Variants in PTPRD observed in about 807,000 individuals in gnomAD.
PTPRD encodes receptor-type tyrosine-protein phosphatase delta.
PTPRD carries 34 observed loss-of-function variants against 214.5 expected under a neutral mutation model. That is an observed-to-expected ratio of 0.16 (90% CI 0.12 to 0.21). The LOEUF (loss-of-function observed/expected upper bound fraction) is 0.21, where lower values mean the gene tolerates loss of function less well. Ranked by LOEUF, PTPRD falls within the 10% of genes least tolerant of loss-of-function variation. PTPRD has a pLI of 1.00. For missense variants in PTPRD, 2,545 were observed against 2,398.7 expected, an observed-to-expected ratio of 1.06 and a Z score of -1.27; for synonymous variants, 1,128 against 845.7, an observed-to-expected ratio of 1.33 and a Z score of -5.79.
chr9:10,019,201 G>T (rs529987258), intron 4 of PTPRD, among the ~76,000 whole-genome samples: 1 of 152,128 alleles, frequency 6.6e-6, no homozygotes, highest in Non-Finnish European at 1.5e-5. Context: ...GGCCATCAGA[G>T]AAATGCAAAT....
At chr9:9,615,678 G>C (rs537059710) in intron 7 of PTPRD, among the ~76,000 whole-genome samples, 4 of 152,274 alleles carry the variant, frequency 2.6e-5, no homozygotes, top group African/African-American at 9.6e-5. Flanking sequence ...TTGTTCTGGA[G>C]ATCATTTTGC....
intron 7 of PTPRD, among the ~76,000 whole-genome samples, chr9:9,617,301 A>G (rs1051030812): frequency 6.6e-6 from 1 of 152,176 alleles, no homozygotes; most frequent in Non-Finnish European, 1.5e-5. Context: ...GGTCCTCTGC[A>G]TTAATTAAAA....
chr9:10,172,272 A>G (rs2099213436), intron 3 of PTPRD, among the ~76,000 whole-genome samples: 1 of 152,182 alleles, frequency 6.6e-6, no homozygotes, highest in Non-Finnish European at 1.5e-5. Flanking sequence ...CTTGCAGCCT[A>G]TAATATATTT....
chr9:9,817,531 C>T (rs960058362), intron 5 of PTPRD, among the ~76,000 whole-genome samples: 3 of 152,270 alleles, frequency 2.0e-5, no homozygotes, highest in African/African-American at 7.2e-5. Flanking sequence ...TATATTTCTT[C>T]TCATCCTGTC....
chr9:9,264,144 G>C (rs76629171), intron 9 of PTPRD, among the ~76,000 whole-genome samples: 1 of 151,448 alleles, frequency 6.6e-6, no homozygotes, highest in Admixed American at 6.6e-5. Context: ...TCAAGACTTC[G>C]ATGAAAATAT....
intron 18 of PTPRD, 92 bp from the exon 19 acceptor site, chr9:8,523,616 A>C: frequency 5.4e-5 from 75 of 1,400,428 alleles, no homozygotes; most frequent in Non-Finnish European, 6.9e-5. Context: ...AGGCCATATC[A>C]AGGCTTTCAA....
intron 2 of PTPRD, among the ~76,000 whole-genome samples, chr9:10,393,110 T>C (rs954672360): frequency 6.6e-6 from 1 of 151,892 alleles, no homozygotes; most frequent in Non-Finnish European, 1.5e-5. Context: ...TAGTTTGTAG[T>C]GTGACATGCA....
chr9:8,484,005 A>C (rs1371591289), intron 30 of PTPRD, 114 bp downstream of exon 30: 7 of 1,352,778 alleles, frequency 5.2e-6, no homozygotes, highest in Non-Finnish European at 6.0e-6. Context: ...TGAGCAGAAG[A>C]ATCTTTCACT....
At chr9:9,539,686 G>A (rs1225475341) in intron 8 of PTPRD, among the ~76,000 whole-genome samples, 3 of 151,864 alleles carry the variant, frequency 2.0e-5, no homozygotes, top group African/African-American at 7.2e-5. Flanking sequence ...AGTGCTCACT[G>A]CCATTAACTG....
At chr9:10,576,070 A>C (rs2069211906) in intron 2 of PTPRD, among the ~76,000 whole-genome samples, 1 of 152,174 alleles carries the variant, frequency 6.6e-6, no homozygotes, top group Non-Finnish European at 1.5e-5. Context: ...GAGTCTAAAA[A>C]AAATATTTTC....
At chr9:9,001,176 G>A (rs1009338243) in intron 11 of PTPRD, among the ~76,000 whole-genome samples, 26 of 151,916 alleles carry the variant, frequency 1.7e-4, no homozygotes, top group African/African-American at 3.1e-4. Flanking sequence ...CAACAGAAAC[G>A]AATTTATATA....
At chr9:9,690,693 T>G (rs1391089762) in intron 7 of PTPRD, among the ~76,000 whole-genome samples, 2 of 151,926 alleles carry the variant, frequency 1.3e-5, no homozygotes, top group Admixed American at 1.3e-4. Flanking sequence ...GGTTATTCAG[T>G]TTTCCCAGCA....
chr9:9,491,965 A>G (rs1359161977), intron 8 of PTPRD, among the ~76,000 whole-genome samples: 2 of 151,996 alleles, frequency 1.3e-5, no homozygotes, highest in Non-Finnish European at 1.5e-5. Flanking sequence ...GTGATTCTTT[A>G]AAAGGATTTT....
chr9:8,517,422 T>G (rs75229855), intron 21 of PTPRD, among the ~76,000 whole-genome samples: 2,737 of 152,306 alleles, frequency 0.018, 87 homozygotes, highest in African/African-American at 0.061. Flanking sequence ...ATATAAGCCA[T>G]TTAAATACCC....
chr9:10,101,603 T>C (rs2154214270), intron 3 of PTPRD, among the ~76,000 whole-genome samples: 1 of 151,808 alleles, frequency 6.6e-6, no homozygotes, highest in South Asian at 2.1e-4. Flanking sequence ...CTTACCTCCA[T>C]TTCAGGGCAT....
intron 8 of PTPRD, among the ~76,000 whole-genome samples, chr9:9,490,723 ATAAATAAAAG>A (rs2095858301): frequency 6.6e-6 from 1 of 152,006 alleles, no homozygotes; most frequent in Non-Finnish European, 1.5e-5. Context: ...GCTATAAAAT[ATAAATAAAAG>A]TAAATGAGAA....
chr9:8,751,381 G>A (rs1241209403), intron 11 of PTPRD, among the ~76,000 whole-genome samples: 1 of 150,402 alleles, frequency 6.6e-6, no homozygotes, highest in Non-Finnish European at 1.5e-5. Context: ...TGTGATTCCG[G>A]AAAGGCTTTC....
chr9:8,611,459 C>T (rs986352368), intron 14 of PTPRD, among the ~76,000 whole-genome samples: 1 of 152,134 alleles, frequency 6.6e-6, no homozygotes, highest in Admixed American at 6.6e-5. Flanking sequence ...AATCCCAGCA[C>T]TTTGGAAGCC....
intron 11 of PTPRD, among the ~76,000 whole-genome samples, chr9:8,911,225 G>C (rs1447122825): frequency 6.6e-6 from 1 of 152,172 alleles, no homozygotes; most frequent in Non-Finnish European, 1.5e-5. Context: ...TAAACAATGT[G>C]GTATTGTCCT....
Sources: allele counts gnomAD v4.1 joint callset (sites outside exome capture counted in the v4.1 genomes callset), GRCh38; gene constraint gnomAD v4.1.1; transcripts MANE v1.5; gene names NCBI Gene and HGNC (gene_info 2026-07-23, HGNC 2026-07-21).